Variants in DSG4 observed in about 807,000 individuals in gnomAD.
DSG4 encodes the protein desmoglein 4.
DSG4 carries 87 observed loss-of-function variants against 93.1 expected under a neutral mutation model. The observed-to-expected ratio is 0.93, with a 90% CI of 0.79 to 1.12. The LOEUF (loss-of-function observed/expected upper bound fraction) is 1.12, where lower values mean the gene tolerates loss of function less well. Ranked by LOEUF, DSG4 falls within the 50% of genes most tolerant of loss-of-function variation. The probability of loss-of-function intolerance (pLI) is 0.00; values close to 1 mark genes in which losing one functional copy is unlikely to be tolerated. For missense variants in DSG4, 1,373 were observed against 1,285.7 expected (o/e 1.07, Z -1.04); for synonymous variants, 432 against 452.9 (o/e 0.95, Z 0.59).
rs773587069 is a variant in DSG4 at position 31,386,763 on chromosome 18, T to C, written c.160T>C (p.Phe54Leu). The change falls in exon 3 of 16, where the codon TTT (phenylalanine) becomes CTT (leucine). Residue 54 changes from phenylalanine to leucine, a missense_variant. Physicochemically the swap from Phe to Leu is conservative, Grantham distance 22 (BLOSUM62 0). Coordinates refer to ENST00000308128, the MANE Select transcript of DSG4 (RefSeq NM_177986.5). The stretch of plus-strand genomic sequence containing the variant: ...AAGACAAAAGCGGGAGTGGATCAAG[T>C]TTGCCGCAGCCTGTCGAGAAGGAGA... ...VRRQKREWIK[F>L]AAACREGEDN... The C allele has an allele frequency of 1.2e-6, 2 of 1,613,448 alleles. No individual in the cohort carries two copies. The highest frequency in any genetic ancestry group is 1.7e-6 in the Non-Finnish European group (2 of 1,179,538).
At chr18:31,405,718 T>A (rs917668478) in intron 11 of DSG4, among the ~76,000 whole-genome samples, 1 of 152,012 alleles carries the variant, frequency 6.6e-6, no homozygotes, top group African/African-American at 2.4e-5. Flanking sequence ...ACCCTGTCTC[T>A]ACTAAATGTA....
chr18:31,405,656 G>A (rs2072416344), intron 11 of DSG4, among the ~76,000 whole-genome samples: 2 of 152,042 alleles, frequency 1.3e-5, no homozygotes, highest in South Asian at 4.2e-4. Flanking sequence ...GGCCAAGGCA[G>A]GTGGATTGCT....
Position 31,413,056 on chromosome 18 carries a change from A to G in DSG4, c.2584A>G (p.Ile862Val), listed in dbSNP as rs759317624. The G allele has an allele frequency of 1.2e-6, 2 of 1,614,186 alleles. No homozygotes were observed. Among genetic ancestry groups the G allele is most frequent in the Non-Finnish European group, 1.7e-6 (2 of 1,180,044 alleles). ...ACCATTTCCTTCACACCAGGCTTGTATACCAATCAGTACTGACCTCCCTTT... is the reference window on the plus strand; with the variant it reads ...ACCATTTCCTTCACACCAGGCTTGTGTACCAATCAGTACTGACCTCCCTTT... Reference protein sequence around the residue: ...IEPFPSHQACIPISTDLPLLG... With the variant: ...IEPFPSHQACVPISTDLPLLG... Residue 862 changes from isoleucine (I) to valine (V), a missense_variant, in exon 16 of 16, where the codon ATA becomes GTA. Coordinates refer to ENST00000308128, the MANE Select transcript of DSG4 (RefSeq NM_177986.5).
At position 31,413,901 on chromosome 18, in the gene DSG4, G is replaced by A. The variant is rs1261113253; in HGVS notation, c.*306G>A. 2.6e-5 allele frequency: 7 copies of A among 264,744 alleles called. No individual in the cohort carries two copies. In the Admixed American group the frequency reaches 3.3e-4, roughly 13 times the overall value. The allele number at this position is 264,744 out of a possible 1,614,324, so 16.4% of individuals were successfully genotyped here. A position where few individuals can be genotyped will look rare whatever the true frequency, so the allele number is the denominator to read the frequency against. ...TATTGTGAATCCTATGGGTCTTGAGGCCTGTAGAACCAATCTTGTAAACCA... is the reference window on the plus strand; with the variant it reads ...TATTGTGAATCCTATGGGTCTTGAGACCTGTAGAACCAATCTTGTAAACCA... On this transcript the variant is annotated 3_prime_UTR_variant, in exon 16 of 16. Coordinates refer to ENST00000308128, the MANE Select transcript of DSG4 (RefSeq NM_177986.5).
At chr18:31,398,744 G>T (rs1002960019) in intron 8 of DSG4, among the ~76,000 whole-genome samples, 2 of 151,800 alleles carry the variant, frequency 1.3e-5, no homozygotes, top group African/African-American at 2.4e-5. Flanking sequence ...ACCAGACCCG[G>T]CGACTATAAT....
At position 31,411,380 on chromosome 18, in the gene DSG4, A is replaced by G. The variant is rs756966908; in HGVS notation, c.2287A>G (p.Met763Val). ...SGAARKRSST[M>V]GTLRDYADAD... ...GGCCGCAAGGAAGAGGAGCTCTACC[A>G]TGGGAACCCTGCGGGACTACGCTGA... The change falls in exon 15 of 16, where the codon ATG (methionine) becomes GTG (valine). Residue 763 changes from methionine (M) to valine (V), a missense_variant. Transcript: ENST00000308128. 1.9e-6 allele frequency: 3 copies of G among 1,614,044 alleles called. No homozygotes were observed. Among genetic ancestry groups the G allele is most frequent in the Non-Finnish European group, 2.5e-6 (3 of 1,180,008 alleles).
chr18:31,391,541 A>G (rs1434142993), intron 7 of DSG4, among the ~76,000 whole-genome samples: 1 of 152,080 alleles, frequency 6.6e-6, no homozygotes, highest in African/African-American at 2.4e-5. Flanking sequence ...ATGCCTCATG[A>G]TTTGCTGAAT....
chr18:31,410,298 T>G (rs2072472364), intron 14 of DSG4, among the ~76,000 whole-genome samples: 1 of 151,892 alleles, frequency 6.6e-6, no homozygotes, highest in South Asian at 2.1e-4. Flanking sequence ...AGTACCTACT[T>G]TAAAGTGTTG....
chr18:31,411,164 A>G (rs1334921759), intron 14 of DSG4, 67 bp from the exon 15 acceptor site: 3 of 1,614,184 alleles, frequency 1.9e-6, no homozygotes, highest in African/African-American at 1.3e-5. Context: ...CGGCGGCGGC[A>G]GCGTTTTAGG....
At chr18:31,377,941 A>G (rs970154944) in intron 1 of DSG4, among the ~76,000 whole-genome samples, 9 of 152,224 alleles carry the variant, frequency 5.9e-5, no homozygotes, top group African/African-American at 1.9e-4. Context: ...ACTCCTCTGA[A>G]CATCAGTTGT....
chr18:31,381,696 G>A (rs2072136593), intron 1 of DSG4, among the ~76,000 whole-genome samples: 1 of 151,798 alleles, frequency 6.6e-6, no homozygotes, highest in South Asian at 2.1e-4. Context: ...GTCTTGCAAT[G>A]TTGCCCAGGC....
chr18:31,377,110 A>G (rs1482502998), intron 1 of DSG4, 151 bp downstream of exon 1: 2 of 887,070 alleles, frequency 2.3e-6, no homozygotes, highest in African/African-American at 3.4e-5. Context: ...ATTTCAAACA[A>G]CTCTCTCCGC....
chr18:31,379,556 T>C (rs2072112760), intron 1 of DSG4, among the ~76,000 whole-genome samples: 1 of 152,140 alleles, frequency 6.6e-6, no homozygotes, highest in Admixed American at 6.5e-5. Flanking sequence ...AAGACAACCA[T>C]TTATCAGATA....
At chr18:31,387,246 G>C (rs2072198230) in intron 3 of DSG4, among the ~76,000 whole-genome samples, 1 of 152,094 alleles carries the variant, frequency 6.6e-6, no homozygotes, top group Admixed American at 6.6e-5. Context: ...GAAAATAAGA[G>C]AGTCTTATAA....
At position 31,399,346 on chromosome 18, in the gene DSG4, C is replaced by T. The variant is rs200590887; in HGVS notation, c.1080C>T (p.Ser360=). The change falls in exon 9 of 16, where the codon TCC becomes TCT. Residue 360 remains serine, a synonymous_variant. Transcript: ENST00000308128. ...GVKNQADFHY[S]VASQFQMHPT... ...AAAACCAAGCTGATTTTCACTACTC[C>T]GTTGCTTCTCAATTCCAAATGCACC... 1.1e-5 allele frequency: 18 copies of T among 1,614,058 alleles called. No individual in the cohort carries two copies. Among genetic ancestry groups the T allele is most frequent in the Admixed American group, 5.0e-5 (3 of 60,020 alleles).
Position 31,392,355 on chromosome 18 carries a change from T to A in DSG4, c.1005+15T>A. 1.2e-6 allele frequency: 2 copies of A among 1,612,622 alleles called. No homozygotes were observed. Among genetic ancestry groups the A allele is most frequent in the Non-Finnish European group, 1.7e-6 (2 of 1,179,100 alleles). ...AAGTTGTCAAGGTACAGTATAAGGA[T>A]CTGCAATATTTTCTTCCAAAATATT... On this transcript the variant is annotated intron_variant, in intron 8 of 15. Coordinates refer to ENST00000308128, the MANE Select transcript of DSG4 (RefSeq NM_177986.5).
intron 8 of DSG4, among the ~76,000 whole-genome samples, chr18:31,395,694 G>C (rs572506346): frequency 1.6e-4 from 24 of 152,112 alleles, no homozygotes; most frequent in Non-Finnish European, 3.2e-4. Context: ...CTCTTAGTCT[G>C]AGGAAATTAC....
At chr18:31,411,518 T>C in intron 15 of DSG4, 70 bp downstream of exon 15, 2 of 1,541,016 alleles carry the variant, frequency 1.3e-6, no homozygotes, top group Non-Finnish European at 1.8e-6. Context: ...ATACTCACAA[T>C]GGTAGTAGGC....
chr18:31,407,988 C>T (rs551414019), intron 12 of DSG4, among the ~76,000 whole-genome samples: 1 of 152,272 alleles, frequency 6.6e-6, no homozygotes, highest in African/African-American at 2.4e-5. Context: ...ATTTCCAGAA[C>T]GTTAGCACTA....
Sources: gnomAD v4.1 joint callset for allele counts (sites outside exome capture counted in the v4.1 genomes callset) on GRCh38, gnomAD v4.1.1 for gene constraint, MANE v1.5 for transcripts, NCBI Gene and HGNC (gene_info 2026-07-23, HGNC 2026-07-21) for gene names.